Variants in CARM1 observed in about 807,000 individuals in gnomAD.
CARM1 encodes the protein coactivator associated arginine methyltransferase 1, also known as histone-arginine methyltransferase CARM1.
In CARM1, 14 loss-of-function variants were observed where a neutral mutation model predicts 72.7. That is an observed-to-expected ratio of 0.19 (90% confidence interval 0.13 to 0.30). The LOEUF (loss-of-function observed/expected upper bound fraction) is 0.30. Among genes scored for constraint, CARM1 ranks in the 10% least tolerant of loss-of-function variants. CARM1 has a pLI of 1.00. For missense variants in CARM1, 432 were observed against 833.7 expected, an observed-to-expected ratio of 0.52 and a Z score of 5.93; for synonymous variants, 333 against 345.5, an observed-to-expected ratio of 0.96 and a Z score of 0.40.
chr19:10,907,465 AG>A (rs948710694), intron 2 of CARM1, among the ~76,000 whole-genome samples: 1 of 151,878 alleles, frequency 6.6e-6, no homozygotes, highest in Admixed American at 6.6e-5. Context: ...TTAACGAGGC[AG>A]GGTCTTGTTA....
intron 1 of CARM1, among the ~76,000 whole-genome samples, chr19:10,884,988 G>A (rs1031225476): frequency 1.3e-5 from 2 of 152,230 alleles, no homozygotes; most frequent in Non-Finnish European, 1.5e-5. Flanking sequence ...TTACAGACGT[G>A]AGCCATCATG....
intron 1 of CARM1, among the ~76,000 whole-genome samples, chr19:10,875,928 G>A (rs1490167870): frequency 1.3e-5 from 2 of 149,506 alleles, no homozygotes; most frequent in African/African-American, 2.5e-5. Context: ...GTGCAATGGC[G>A]TGATCTCGGC....
intron 1 of CARM1, among the ~76,000 whole-genome samples, chr19:10,873,588 C>CA (rs917963778): frequency 4.1e-4 from 41 of 99,822 alleles, no homozygotes; most frequent in African/African-American, 1.4e-3. Context: ...GACTCCATCT[C>CA]AAAAAAAAAA....
At chr19:10,874,831 G>C (rs992605999) in intron 1 of CARM1, among the ~76,000 whole-genome samples, 2 of 152,246 alleles carry the variant, frequency 1.3e-5, no homozygotes, top group South Asian at 4.1e-4. Flanking sequence ...AGACCAGCTT[G>C]GCCAACATGG....
chr19:10,916,826 G>C lies in CARM1; in HGVS notation c.1020+49G>C, dbSNP rs375683283. On this transcript the variant is annotated intron_variant, in intron 8 of 15. Coordinates refer to ENST00000327064, the MANE Select transcript of CARM1 (RefSeq NM_199141.2). The surrounding 1 kb of genome is among the most constrained non-coding windows in gnomAD (Gnocchi z 4.4). ...GCTGCAGTGATCACTTGCCATTGCT[G>C]TGCAGCTGTGCAGCCCTCAGGAAGC... 5.8e-5 allele frequency: 76 copies of C among 1,316,266 alleles called. No homozygotes were observed. The African/African-American group carries it at 1.1e-3, about 18-fold the overall frequency. The allele number at this position is 1,316,266 out of a possible 1,614,324, so 81.5% of individuals were successfully genotyped here.
In CARM1 at chr19:10,909,990, G is replaced by A. The variant is rs112401904; in HGVS notation, c.558+783G>A. Among the ~76,000 whole-genome samples the A allele has an allele frequency of 1.5e-3, 233 of 152,306 alleles. 1 individual carries two copies. Among genetic ancestry groups the A allele is most frequent in the African/African-American group, 5.0e-3 (208 of 41,556 alleles). ...TGTCTGTAATCCCAGCACTTTGGGAGGCCAAGGCAGGGGGATCATTTGAGC... is the reference window on the plus strand; with the variant it reads ...TGTCTGTAATCCCAGCACTTTGGGAAGCCAAGGCAGGGGGATCATTTGAGC... On this transcript the variant is annotated intron_variant, in intron 4 of 15. Transcript: ENST00000327064.
At chr19:10,918,927 G>C (rs989427545) in intron 8 of CARM1, 1 of 152,196 alleles carries the variant, frequency 6.6e-6, no homozygotes, top group Non-Finnish European at 1.5e-5. Flanking sequence ...GATTTTATTC[G>C]GTTTACATAG....
intron 1 of CARM1, among the ~76,000 whole-genome samples, chr19:10,883,885 G>T (rs574711612): frequency 1.3e-5 from 2 of 152,092 alleles, no homozygotes; most frequent in Non-Finnish European, 2.9e-5. Flanking sequence ...GGGCGCGGTG[G>T]TGTGCGCCTG....
chr19:10,880,035 G>A (rs1407852813), intron 1 of CARM1, among the ~76,000 whole-genome samples: 1 of 152,218 alleles, frequency 6.6e-6, no homozygotes, highest in African/African-American at 2.4e-5. Context: ...ACAGAAGCTG[G>A]AGTGTGGTGT....
At chr19:10,875,646 C>G (rs150771768) in intron 1 of CARM1, among the ~76,000 whole-genome samples, 1,610 of 152,078 alleles carry the variant, frequency 0.011, 30 homozygotes, top group African/African-American at 0.037. Flanking sequence ...GGATGGTCTC[C>G]ATCTCCTGAC....
chr19:10,876,978 G>A (rs866544372), intron 1 of CARM1, among the ~76,000 whole-genome samples: 11 of 152,220 alleles, frequency 7.2e-5, no homozygotes, highest in South Asian at 4.1e-4. Context: ...CATGGGCTCC[G>A]TCAGGGGCTA....
At chr19:10,875,651 C>T (rs191995438) in intron 1 of CARM1, among the ~76,000 whole-genome samples, 1 of 152,050 alleles carries the variant, frequency 6.6e-6, no homozygotes, top group East Asian at 1.9e-4. Context: ...GTCTCCATCT[C>T]CTGACCTCGT....
intron 4 of CARM1, among the ~76,000 whole-genome samples, chr19:10,909,598 G>C (rs576169080): frequency 6.6e-6 from 1 of 151,938 alleles, no homozygotes; most frequent in South Asian, 2.1e-4. Context: ...TTAGTTGGGC[G>C]TGGTGGTGGG....
intron 6 of CARM1, 130 bp downstream of exon 6, chr19:10,914,184 C>T (rs2074177047): frequency 6.3e-6 from 6 of 946,234 alleles, no homozygotes; most frequent in Non-Finnish European, 9.3e-6. Flanking sequence ...TGGGCTTTTC[C>T]CCCGCTCCCA....
At position 10,908,147 on chromosome 19, in the gene CARM1, TGGGTTGTACTCCCCCTCAGCCAGGCC is replaced by T. The variant is rs749238955; in HGVS notation, c.453+4_453+29del. The T allele has an allele frequency of 6.2e-7, 1 of 1,601,410 alleles. No individual in the cohort carries two copies. The highest frequency in any genetic ancestry group is 8.6e-7 in the Non-Finnish European group (1 of 1,168,592). ...TCTTCTGCCGTGCAGTACTTCCAGG[TGGGTTGTACTCCCCCTCAGCCAGGCC>T]GCCTCCCCCCGGCAGCCCCCCTGCC... On this transcript the variant is annotated splice_donor_5th_base_variant and intron_variant, in intron 3 of 15. Transcript: ENST00000327064.
intron 1 of CARM1, among the ~76,000 whole-genome samples, chr19:10,875,870 A>C (rs952119349): frequency 2.0e-5 from 3 of 149,112 alleles, no homozygotes; most frequent in Non-Finnish European, 3.0e-5. Context: ...TACAACTTGG[A>C]TGTCTGTCTT....
Position 10,871,981 on chromosome 19 carries a change from G to A in CARM1, c.220+59G>A, listed in dbSNP as rs2073822297. 1.7e-6 allele frequency: 2 copies of A among 1,149,904 alleles called. No individual in the cohort carries two copies. Among genetic ancestry groups the A allele is most frequent in the African/African-American group, 1.6e-5 (1 of 61,308 alleles). 71.2% of individuals were successfully genotyped at this position (1,149,904 alleles called of 1,614,324 possible). A position where few individuals can be genotyped will look rare whatever the true frequency, so the allele number is the denominator to read the frequency against. On this transcript the variant is annotated intron_variant, in intron 1 of 15. Transcript: ENST00000327064. This position sits in a 1 kb window ranked among gnomAD's most constrained non-coding sequence, Gnocchi z 5.6. ...GGGGCTGCTCACGAGGCCGGCCCGGGGCGGGGGCCGGCGGGGAGGGGCCCT... is the reference window on the plus strand; with the variant it reads ...GGGGCTGCTCACGAGGCCGGCCCGGAGCGGGGGCCGGCGGGGAGGGGCCCT...
chr19:10,885,617 G>T (rs562111850), intron 1 of CARM1, among the ~76,000 whole-genome samples: 152 of 152,320 alleles, frequency 1.0e-3, no homozygotes, highest in East Asian at 7.7e-4. Flanking sequence ...AGACTGGGGT[G>T]CCTCTTGCAG....
intron 4 of CARM1, among the ~76,000 whole-genome samples, chr19:10,909,839 T>C (rs1471026259): frequency 6.6e-6 from 1 of 152,250 alleles, no homozygotes. Flanking sequence ...GAGAGGCCTC[T>C]ATCAGTTCCC....
Sources: gnomAD v4.1 joint callset for allele counts (sites outside exome capture counted in the v4.1 genomes callset) on GRCh38, gnomAD v4.1.1 for gene constraint, Gnocchi (gnomAD v3.1) non-coding constraint, MANE v1.5 for transcripts, NCBI Gene and HGNC (gene_info 2026-07-23, HGNC 2026-07-21) for gene names.